The following ZPBP variants were observed in gnomAD, a reference collection of about 807,000 sequenced individuals.
The protein encoded by ZPBP is zona pellucida binding protein.
A neutral mutation model predicts 44.8 loss-of-function variants in ZPBP; 26 were observed. That is an observed-to-expected ratio of 0.58 (90% confidence interval 0.43 to 0.81). ZPBP has a LOEUF of 0.81. ZPBP is among the 30% of genes least tolerant of loss of function. ZPBP has a pLI of 0.00. For missense variants in ZPBP, 409 were observed against 434.0 expected (o/e 0.94, Z 0.51); for synonymous variants, 174 against 153.2 (o/e 1.14, Z -1.00).
chr7:49,924,157 TAAC>T (rs376337413), intron 1 of ZPBP, among the ~76,000 whole-genome samples: 4,730 of 149,626 alleles, frequency 0.032, 208 homozygotes, highest in South Asian at 0.13. Context: ...ATAATAATAA[TAAC>T]AACGTTATAA....
chr7:49,959,396 G>C (rs1351617419), intron 7 of ZPBP, among the ~76,000 whole-genome samples: 3 of 151,772 alleles, frequency 2.0e-5, no homozygotes, highest in Admixed American at 6.6e-5. Flanking sequence ...ACAGGATCCA[G>C]GTTAATATTT....
At chr7:50,010,210 C>T (rs1229451843) in intron 6 of ZPBP, among the ~76,000 whole-genome samples, 2 of 151,930 alleles carry the variant, frequency 1.3e-5, no homozygotes, top group Non-Finnish European at 2.9e-5. Context: ...GGATGAATAA[C>T]GCTACCATTA....
intron 3 of ZPBP, among the ~76,000 whole-genome samples, chr7:50,069,053 T>C (rs1801687524): frequency 1.3e-5 from 2 of 152,174 alleles, no homozygotes; most frequent in South Asian, 4.1e-4. Context: ...TAAGCATAAC[T>C]TGGGCACGGC....
At chr7:50,062,262 C>A (rs1048659300) in intron 3 of ZPBP, among the ~76,000 whole-genome samples, 1 of 152,118 alleles carries the variant, frequency 6.6e-6, no homozygotes, top group African/African-American at 2.4e-5. Context: ...AAACAACTTA[C>A]AGATTCAATG....
intron 4 of ZPBP, among the ~76,000 whole-genome samples, chr7:50,057,408 T>C (rs549522382): frequency 6.6e-6 from 1 of 152,114 alleles, no homozygotes; most frequent in Non-Finnish European, 1.5e-5. Flanking sequence ...TCAAAAACTC[T>C]TAGTCTGTAA....
In ZPBP at chr7:49,901,747, GA is replaced by G. The variant is rs374537765; in HGVS notation, n.412-533del. On this transcript the variant is annotated intron_variant and non_coding_transcript_variant, in intron 1 of 2. Coordinates refer to the ZPBP transcript ENST00000465922. ...GAATAGCCAACACGATATTGAAAGA[GA>G]AAAACGTAGCTGAACTTAATATAAA... Among the ~76,000 whole-genome samples the G allele has an allele frequency of 4.2e-3, 640 of 151,892 alleles. 3 individuals carry two copies. The highest frequency in any genetic ancestry group is 0.015 in the African/African-American group (622 of 41,518).
intron 2 of ZPBP, among the ~76,000 whole-genome samples, chr7:49,897,025 A>G (rs1382190260): frequency 6.6e-6 from 1 of 151,554 alleles, no homozygotes; most frequent in Non-Finnish European, 1.5e-5. Flanking sequence ...CCTCCCGAGT[A>G]GCTGGGACTA....
chr7:49,888,682 G>T (rs1360707269), intron 2 of ZPBP, among the ~76,000 whole-genome samples: 1 of 152,140 alleles, frequency 6.6e-6, no homozygotes. Flanking sequence ...AGGCCTAGGT[G>T]GGTGGATCAC....
chr7:49,975,167 C>T (rs1199236472), intron 7 of ZPBP, among the ~76,000 whole-genome samples: 4 of 152,154 alleles, frequency 2.6e-5, no homozygotes, highest in African/African-American at 9.7e-5. Context: ...TCTGTCAGTT[C>T]TGGCTATGGG....
chr7:49,914,127 TGTC>T (rs1437953993), intron 1 of ZPBP: 1 of 152,240 alleles, frequency 6.6e-6, no homozygotes, highest in Non-Finnish European at 1.5e-5. Context: ...TATTTAAAGT[TGTC>T]GTTTTGCTAA....
At chr7:49,916,590 C>A (rs1793738600) in intron 1 of ZPBP, 2 of 152,180 alleles carry the variant, frequency 1.3e-5, no homozygotes, top group Non-Finnish European at 2.9e-5. Context: ...CTATTATTTA[C>A]AAATCCCTTT....
chr7:49,910,975 C>G (rs1168695775), intron 1 of ZPBP, among the ~76,000 whole-genome samples: 1 of 152,172 alleles, frequency 6.6e-6, no homozygotes, highest in African/African-American at 2.4e-5. Context: ...AAAAGCTGCC[C>G]TCGGAGGCCT....
chr7:49,913,331 C>T (rs1040528709), intron 1 of ZPBP: 1 of 152,104 alleles, frequency 6.6e-6, no homozygotes, highest in African/African-American at 2.4e-5. Flanking sequence ...GAACAGAGAA[C>T]ATAAAAAGCC....
At chr7:50,057,186 CAAA>C (rs200305836) in intron 4 of ZPBP, among the ~76,000 whole-genome samples, 9 of 93,966 alleles carry the variant, frequency 9.6e-5, no homozygotes, top group Admixed American at 1.1e-4. Flanking sequence ...GACTCCATCT[CAAA>C]AAAAAAAAAA....
At chr7:49,895,198 A>G (rs1792323823) in intron 2 of ZPBP, among the ~76,000 whole-genome samples, 1 of 152,134 alleles carries the variant, frequency 6.6e-6, no homozygotes, top group Non-Finnish European at 1.5e-5. Context: ...GCGTCCTCAC[A>G]CAGTGGGCAG....
intron 1 of ZPBP, among the ~76,000 whole-genome samples, chr7:49,907,572 A>G (rs991708572): frequency 6.6e-5 from 10 of 152,234 alleles, no homozygotes; most frequent in Non-Finnish European, 1.2e-4. Context: ...ATGAGTAACC[A>G]TGGTCCATGA....
rs757364513 is a variant in ZPBP, at chr7:50,089,666, T to C, written c.171A>G (p.Lys57=). 5 of 1,611,636 alleles carry C rather than the reference T, an allele frequency of 3.1e-6. No individual in the cohort carries two copies. Among genetic ancestry groups the C allele is most frequent in the Non-Finnish European group, 4.2e-6 (5 of 1,178,866 alleles). Residue 57 remains lysine, a synonymous_variant, in exon 2 of 8, where the codon AAA becomes AAG. Transcript: ENST00000046087. ...VRLPRAFRLT[K]DSVKIVGSTS... is the part of the protein sequence containing the mutation. ...TTGATCCCACTATTTTCACTGAATC[T>C]TTGGTCAAGCGAAAAGCTCTTGGTA...
intron 7 of ZPBP, chr7:49,943,313 T>C: frequency 7.0e-6 from 2 of 285,886 alleles, no homozygotes; most frequent in South Asian, 3.6e-5. Flanking sequence ...TAGCACAATG[T>C]CTGTCTTCAA....
downstream of ZPBP, chr7:49,936,180 A>G (rs972330427): frequency 2.0e-5 from 3 of 152,232 alleles, no homozygotes; most frequent in South Asian, 4.1e-4. Flanking sequence ...TTTTGGGAAG[A>G]ATAGTAACTC....
Sources: allele counts gnomAD v4.1 joint callset (sites outside exome capture counted in the v4.1 genomes callset), GRCh38; gene constraint gnomAD v4.1.1; transcripts MANE v1.5; gene names NCBI Gene and HGNC (gene_info 2026-07-23, HGNC 2026-07-21).